Variants in TRAF7 observed in about 807,000 individuals in gnomAD.
TRAF7 encodes E3 ubiquitin-protein ligase TRAF7.
A neutral mutation model predicts 89.3 loss-of-function variants in TRAF7; 45 were observed. That is an observed-to-expected ratio of 0.50 (90% CI 0.40 to 0.65). The LOEUF (loss-of-function observed/expected upper bound fraction) is 0.65, where lower values mean the gene tolerates loss of function less well. TRAF7 is among the 30% of genes least tolerant of loss of function. The pLI is 0.00. For synonymous variants in TRAF7, 406 were observed against 369.2 expected, an observed-to-expected ratio of 1.10 and a Z score of -1.14; for missense variants, 677 against 918.1, an observed-to-expected ratio of 0.74 and a Z score of 3.39.
At chr16:2,164,532 C>T (rs192304) in intron 2 of TRAF7, among the ~76,000 whole-genome samples, 3 of 137,822 alleles carry the variant, frequency 2.2e-5, no homozygotes, top group African/African-American at 5.6e-5. Context: ...CATGGTTAAG[C>T]GTGTGAGTGC....
intron 5 of TRAF7, among the ~76,000 whole-genome samples, chr16:2,171,027 G>A (rs1265154028): frequency 1.3e-5 from 2 of 152,186 alleles, no homozygotes; most frequent in African/African-American, 2.4e-5. Flanking sequence ...GGCGAGGGCG[G>A]CCAAGGCTGG....
chr16:2,167,375 G>A (rs1470298316), intron 3 of TRAF7, among the ~76,000 whole-genome samples: 1 of 152,224 alleles, frequency 6.6e-6, no homozygotes, highest in Non-Finnish European at 1.5e-5. Flanking sequence ...AGCTGGGCTG[G>A]TCCTGAGTCC....
chr16:2,156,503 G>C lies in TRAF7; in HGVS notation c.-39+645G>C, dbSNP rs565701942. ...TATGTGCTGTGAAAGAAAGAAAGAG[G>C]GTGCTGAAAAAGTGAGTACTGGCCG... On this transcript the variant is annotated intron_variant, in intron 1 of 20. Transcript: ENST00000326181. 2.6e-5 allele frequency among the ~76,000 whole-genome samples: 4 copies of C among 152,146 alleles called. No individual in the cohort carries two copies. The East Asian group carries it at 7.7e-4, about 29-fold the overall frequency.
chr16:2,167,981 A>G, intron 3 of TRAF7, 96 bp from the exon 4 acceptor site: 1 of 1,130,478 alleles, frequency 8.8e-7, no homozygotes, highest in Non-Finnish European at 1.3e-6. Flanking sequence ...TGTGAGCTAC[A>G]GGGGACCCAC....
At chr16:2,156,594 AG>A (rs2093035651) in intron 1 of TRAF7, among the ~76,000 whole-genome samples, 1 of 152,100 alleles carries the variant, frequency 6.6e-6, no homozygotes, top group Non-Finnish European at 1.5e-5. Context: ...CAGGACATGC[AG>A]GAGGAGCATT....
At position 2,161,185 on chromosome 16, in the gene TRAF7, C is replaced by T. The variant is rs2093056935; in HGVS notation, c.-38-2698C>T. Among the ~76,000 whole-genome samples the T allele has an allele frequency of 6.9e-6, 1 of 145,190 alleles. No individual in the cohort carries two copies. The highest frequency in any genetic ancestry group is 2.3e-4 in the South Asian group (1 of 4,316). On this transcript the variant is annotated intron_variant, in intron 1 of 20. Coordinates refer to ENST00000326181, the MANE Select transcript of TRAF7 (RefSeq NM_032271.3). This position sits in a 1 kb window ranked among gnomAD's most constrained non-coding sequence, Gnocchi z 5.2. ...AGAGTATCCCCCTCCTTCCCTCCCT[C>T]CTTCCGTCCCCCTCCCTCCCTCCGT...
Position 2,168,968 on chromosome 16 carries a change from C to T in TRAF7, c.231+800C>T, listed in dbSNP as rs550445816. ...GCGGCCCTGCTGGCCCTCTTGGGAC[C>T]GAGGCCTTTTCTTTTTTCCTTTTTT... On this transcript the variant is annotated intron_variant, in intron 4 of 20. Coordinates refer to ENST00000326181, the MANE Select transcript of TRAF7 (RefSeq NM_032271.3). This position sits in a 1 kb window ranked among gnomAD's most constrained non-coding sequence, Gnocchi z 4.1. 3.4e-4 allele frequency among the ~76,000 whole-genome samples: 51 copies of T among 152,188 alleles called. No homozygotes were observed. Among genetic ancestry groups the T allele is most frequent in the African/African-American group, 1.1e-3 (44 of 41,522 alleles).
intron 2 of TRAF7, among the ~76,000 whole-genome samples, chr16:2,165,177 G>A (rs2093078815): frequency 7.1e-6 from 1 of 141,002 alleles, no homozygotes; most frequent in Non-Finnish European, 1.5e-5. Context: ...TGGCCTGGTC[G>A]CATGGTTAAG....
In TRAF7 at chr16:2,168,841, G is replaced by A. The variant is rs762592212; in HGVS notation, c.231+673G>A. ...CTCTGGGCCTACCCAGGGGACAGAG[G>A]CCAACTCTACCCTGGGCATGAAGGA... On this transcript the variant is annotated intron_variant, in intron 4 of 20. Coordinates refer to ENST00000326181, the MANE Select transcript of TRAF7 (RefSeq NM_032271.3). This position sits in a 1 kb window ranked among gnomAD's most constrained non-coding sequence, Gnocchi z 4.1. Among the ~76,000 whole-genome samples, 2 of 152,038 alleles carry A rather than the reference G, an allele frequency of 1.3e-5. No individual in the cohort carries two copies. Among genetic ancestry groups the A allele is most frequent in the Non-Finnish European group, 2.9e-5 (2 of 67,992 alleles).
chr16:2,165,887 G>A lies in TRAF7; in HGVS notation c.90G>A (p.Met30Ile). 6.2e-7 allele frequency: 1 copy of A among 1,614,112 alleles called. No individual in the cohort carries two copies. Among genetic ancestry groups the A allele is most frequent in the South Asian group, 1.1e-5 (1 of 91,090 alleles). ...CTCCGTCCTCCCTCTAGACCAGAATGGAAACGACCTTCGGACCCGCCTTTT... is the reference window on the plus strand; with the variant it reads ...CTCCGTCCTCCCTCTAGACCAGAATAGAAACGACCTTCGGACCCGCCTTTT... ...PTPDVTTGTR[M>I]ETTFGPAFSA... The change falls in exon 3 of 21, where the codon ATG becomes ATA. Residue 30 changes from methionine to isoleucine, a missense_variant. Physicochemically the swap from Met to Ile is conservative, Grantham distance 10. Around this residue, in one of 6 missense-constraint regions of TRAF7, gnomAD observed 240 missense variants for 191.9 expected, o/e 1.25. Transcript: ENST00000326181.
At chr16:2,173,859 T>TGCCCCCCCCCCCCCC in intron 12 of TRAF7, 23 bp downstream of exon 12, 1 of 1,246,254 alleles carries the variant, frequency 8.0e-7, no homozygotes, top group Non-Finnish European at 1.1e-6. Flanking sequence ...CCGCCGTGGC[T>TGCCCCCCCCCCCCCC]CCCGCCCACC....
chr16:2,164,820 G>A (rs1180267668), intron 2 of TRAF7, among the ~76,000 whole-genome samples: 3 of 61,234 alleles, frequency 4.9e-5, no homozygotes, highest in African/African-American at 6.8e-5. Flanking sequence ...ATGGTTAAGC[G>A]TGTGAGTGCT....
chr16:2,167,840 G>A (rs952715037), intron 3 of TRAF7, among the ~76,000 whole-genome samples: 1 of 152,092 alleles, frequency 6.6e-6, no homozygotes. Context: ...CGGGCTCAGC[G>A]CTGGGACTGT....
At position 2,168,669 on chromosome 16, in the gene TRAF7, G is replaced by T. The variant is rs764789761; in HGVS notation, c.231+501G>T. 3.3e-5 allele frequency among the ~76,000 whole-genome samples: 5 copies of T among 151,988 alleles called. No homozygotes were observed. The highest frequency in any genetic ancestry group is 6.6e-5 in the Admixed American group (1 of 15,260). On this transcript the variant is annotated intron_variant, in intron 4 of 20. Transcript: ENST00000326181. This position sits in a 1 kb window ranked among gnomAD's most constrained non-coding sequence, Gnocchi z 4.1. Reference sequence around the variant, plus strand: ...GTTGCGGAACCTGCGCCAAGTGCTGGGGGAGCCGGAGAATTCCCTGTTGCT... The same window carrying T: ...GTTGCGGAACCTGCGCCAAGTGCTGTGGGAGCCGGAGAATTCCCTGTTGCT...
intron 5 of TRAF7, 115 bp downstream of exon 5, chr16:2,170,845 G>A: frequency 2.0e-6 from 2 of 1,013,122 alleles, no homozygotes; most frequent in Non-Finnish European, 2.9e-6. Flanking sequence ...GGGCGGCTGG[G>A]GCCTGACGGG....
rs1382254435 is a variant in TRAF7 at position 2,159,531 on chromosome 16, C to A, written c.-39+3673C>A. Among the ~76,000 whole-genome samples the A allele has an allele frequency of 6.6e-6, 1 of 152,192 alleles. No individual in the cohort carries two copies. Among genetic ancestry groups the A allele is most frequent in the Non-Finnish European group, 1.5e-5 (1 of 68,026 alleles). The stretch of plus-strand genomic sequence containing the variant: ...GGCCTGTTTCTATAGAATTTAGCGG[C>A]CTGGGCTTGGGCCAGGGGGCTGAGG... On this transcript the variant is annotated intron_variant, in intron 1 of 20. Coordinates refer to ENST00000326181, the MANE Select transcript of TRAF7 (RefSeq NM_032271.3). The surrounding 1 kb of genome is among the most constrained non-coding windows in gnomAD (Gnocchi z 6.5).
At chr16:2,164,717 G>T (rs35822) in intron 2 of TRAF7, among the ~76,000 whole-genome samples, 2 of 132,548 alleles carry the variant, frequency 1.5e-5, no homozygotes, top group South Asian at 4.9e-4. Context: ...TGCGTGGCGC[G>T]GCCTGGTCGC....
rs995079135 is a variant in TRAF7 at position 2,170,712 on chromosome 16, C to T, written c.330C>T (p.Pro110=). Residue 110 remains proline (P), a synonymous_variant, in exon 5 of 21, where the codon CCC becomes CCT. Coordinates refer to ENST00000326181, the MANE Select transcript of TRAF7 (RefSeq NM_032271.3). ...SMSLRSTFSL[P]EEEEEPEPLV... ...CTCTGCGCTCCACATTCTCACTGCCCGAGGAGGAGGAGGAGCCGGTAGGTG... is the reference window on the plus strand; with the variant it reads ...CTCTGCGCTCCACATTCTCACTGCCTGAGGAGGAGGAGGAGCCGGTAGGTG... 25 of 1,602,656 alleles carry T rather than the reference C, an allele frequency of 1.6e-5. No individual in the cohort carries two copies. Among genetic ancestry groups the T allele is most frequent in the Admixed American group, 1.5e-4 (9 of 59,208 alleles).
intron 3 of TRAF7, 138 bp downstream of exon 3, chr16:2,166,074 A>C: frequency 3.0e-6 from 3 of 998,368 alleles, no homozygotes; most frequent in Non-Finnish European, 4.5e-6. Flanking sequence ...CTCACACCGC[A>C]GCCTGTGTCC....
Sources: gnomAD v4.1 joint callset for allele counts (sites outside exome capture counted in the v4.1 genomes callset) on GRCh38, gnomAD v4.1.1 for gene constraint, gnomAD v4.1.1 regional missense constraint, Gnocchi (gnomAD v3.1) non-coding constraint, MANE v1.5 for transcripts, NCBI Gene and HGNC (gene_info 2026-07-23, HGNC 2026-07-21) for gene names.